Variants in EYS observed in about 807,000 individuals in gnomAD.
The protein encoded by EYS is protein eyes shut homolog.
In EYS, 250 loss-of-function variants were observed where a neutral mutation model predicts 282.1. That is an observed-to-expected ratio of 0.89 (90% CI 0.80 to 0.98). The LOEUF (loss-of-function observed/expected upper bound fraction) is 0.98, where lower values mean the gene tolerates loss of function less well. Among genes scored for constraint, EYS ranks in the 50% least tolerant of loss-of-function variants. The probability of loss-of-function intolerance (pLI) is 0.00; values close to 1 mark genes in which losing one functional copy is unlikely to be tolerated. For missense variants in EYS, 4,016 were observed against 3,709.0 expected (o/e 1.08, Z -2.15); for synonymous variants, 1,355 against 1,282.9 (o/e 1.06, Z -1.20).
At chr6:65,643,009 A>C (rs1767330282) in intron 1 of EYS, among the ~76,000 whole-genome samples, 2 of 152,224 alleles carry the variant, frequency 1.3e-5, no homozygotes, top group Non-Finnish European at 2.9e-5. Flanking sequence ...ACAGGAAAAT[A>C]CCAGGAAAGC....
At chr6:63,795,936 G>A (rs1770634636) in intron 37 of EYS, among the ~76,000 whole-genome samples, 1 of 152,026 alleles carries the variant, frequency 6.6e-6, no homozygotes, top group Middle Eastern at 3.2e-3. Context: ...AAATTCTCAT[G>A]AGAAAAAAAA....
At chr6:64,717,422 G>T (rs1771433569) in intron 22 of EYS, among the ~76,000 whole-genome samples, 2 of 152,168 alleles carry the variant, frequency 1.3e-5, no homozygotes, top group Admixed American at 1.3e-4. Context: ...TTGCAGCTTA[G>T]GTCCCTCACA....
chr6:64,294,153 G>C (rs1309926054), intron 30 of EYS, among the ~76,000 whole-genome samples: 1 of 152,034 alleles, frequency 6.6e-6, no homozygotes, highest in African/African-American at 2.4e-5. Context: ...AAAAACCTTG[G>C]TAAAATGATT....
chr6:65,602,014 A>G (rs1765632482), intron 2 of EYS, among the ~76,000 whole-genome samples: 1 of 151,884 alleles, frequency 6.6e-6, no homozygotes, highest in African/African-American at 2.4e-5. Context: ...CATGACAAAA[A>G]CATCCAGATA....
At chr6:64,833,179 T>A (rs559289150) in intron 19 of EYS, among the ~76,000 whole-genome samples, 12 of 151,914 alleles carry the variant, frequency 7.9e-5, no homozygotes, top group Non-Finnish European at 1.8e-4. Context: ...TACATCACAA[T>A]CTTTACATGG....
At chr6:64,729,715 C>T (rs1209103475) in intron 22 of EYS, among the ~76,000 whole-genome samples, 1 of 151,908 alleles carries the variant, frequency 6.6e-6, no homozygotes, top group African/African-American at 2.4e-5. Flanking sequence ...ACCGCAATAA[C>T]TTTTGCACCA....
chr6:65,096,564 G>A (rs1379530149), intron 12 of EYS, among the ~76,000 whole-genome samples: 1 of 150,822 alleles, frequency 6.6e-6, no homozygotes, highest in African/African-American at 2.4e-5. Context: ...ATAAGCTGGA[G>A]ACATCATACT....
At chr6:64,830,546 G>T (rs1765183372) in intron 19 of EYS, among the ~76,000 whole-genome samples, 2 of 151,942 alleles carry the variant, frequency 1.3e-5, no homozygotes, top group African/African-American at 4.8e-5. Flanking sequence ...CAGTAGGCCA[G>T]CATATTTTCT....
chr6:64,419,985 G>A (rs1774178582), intron 28 of EYS, among the ~76,000 whole-genome samples: 1 of 152,212 alleles, frequency 6.6e-6, no homozygotes, highest in South Asian at 2.1e-4. Flanking sequence ...CACTGCCCTA[G>A]CAGAGGTTCT....
chr6:65,315,479 C>T (rs1197502520), intron 11 of EYS, among the ~76,000 whole-genome samples: 3 of 152,092 alleles, frequency 2.0e-5, no homozygotes, highest in Non-Finnish European at 2.9e-5. Context: ...GTAACTGTTA[C>T]GCTCATTCTA....
chr6:65,644,189 A>G (rs962705924), intron 1 of EYS, among the ~76,000 whole-genome samples: 2 of 152,164 alleles, frequency 1.3e-5, no homozygotes, highest in Admixed American at 6.5e-5. Context: ...TTATTAAAGA[A>G]AAAACCTTCA....
chr6:64,160,154 G>A (rs1775060532), intron 31 of EYS, among the ~76,000 whole-genome samples: 1 of 151,980 alleles, frequency 6.6e-6, no homozygotes, highest in East Asian at 1.9e-4. Context: ...TATAATCTCT[G>A]GTAAAAGGCC....
chr6:65,317,777 T>TCTTCCTTCCTTCCTTCCTTC (rs911036026), intron 11 of EYS, among the ~76,000 whole-genome samples: 878 of 57,300 alleles, frequency 0.015, 18 homozygotes, highest in Non-Finnish European at 0.017. Context: ...CTACATTTTC[T>TCTTCCTTCCTTCCTTCCTTC]CTTCCTTCCT....
At chr6:65,188,686 G>T (rs889260689) in intron 12 of EYS, among the ~76,000 whole-genome samples, 1 of 149,108 alleles carries the variant, frequency 6.7e-6, no homozygotes, top group Admixed American at 6.8e-5. Flanking sequence ...GTAATCACAC[G>T]GGTCTTTAAA....
At chr6:64,395,034 C>T (rs1325671903) in intron 28 of EYS, among the ~76,000 whole-genome samples, 3 of 152,170 alleles carry the variant, frequency 2.0e-5, no homozygotes, top group Non-Finnish European at 2.9e-5. Flanking sequence ...TGAAAAAATG[C>T]TCATCATCAC....
chr6:65,616,664 TACTC>T (rs1052841061), intron 2 of EYS, among the ~76,000 whole-genome samples: 41 of 152,038 alleles, frequency 2.7e-4, no homozygotes, highest in African/African-American at 7.2e-4. Context: ...CACGTGCCTG[TACTC>T]CTAGCTACTC....
At chr6:65,367,869 T>G (rs906259909) in intron 8 of EYS, among the ~76,000 whole-genome samples, 1 of 151,668 alleles carries the variant, frequency 6.6e-6, no homozygotes, top group African/African-American at 2.4e-5. Flanking sequence ...ATATCATGCA[T>G]GTAAAGGTAA....
At chr6:63,964,672 A>G (rs1582043119) in intron 35 of EYS, among the ~76,000 whole-genome samples, 1 of 152,262 alleles carries the variant, frequency 6.6e-6, no homozygotes, top group Non-Finnish European at 1.5e-5. Flanking sequence ...TTGAAGCAGC[A>G]TAAGTCACAG....
At chr6:65,035,301 A>G (rs79704616) in intron 13 of EYS, among the ~76,000 whole-genome samples, 3,610 of 152,142 alleles carry the variant, frequency 0.024, 136 homozygotes, top group African/African-American at 0.083. Context: ...AGACAAGGAT[A>G]CCTACACTAA....
Sources: allele counts gnomAD v4.1 joint callset (sites outside exome capture counted in the v4.1 genomes callset), GRCh38; gene constraint gnomAD v4.1.1; transcripts MANE v1.5; gene names NCBI Gene and HGNC (gene_info 2026-07-23, HGNC 2026-07-21).